Variants in BBS9 observed in about 807,000 individuals in gnomAD.
BBS9 encodes the protein protein PTHB1.
BBS9 carries 89 observed loss-of-function variants against 117.7 expected under a neutral mutation model. The observed-to-expected ratio is 0.76, with a 90% confidence interval of 0.64 to 0.90. BBS9 has a LOEUF of 0.90. Ranked by LOEUF, BBS9 falls within the 40% of genes least tolerant of loss-of-function variation. The pLI, the probability that BBS9 is intolerant of heterozygous loss-of-function variation, is 0.00. For synonymous variants in BBS9, 379 were observed against 370.9 expected (o/e 1.02, Z -0.25); for missense variants, 982 against 1,042.2 (o/e 0.94, Z 0.80).
chr7:33,432,319 C>T (rs558680756), intron 19 of BBS9, among the ~76,000 whole-genome samples: 1 of 151,522 alleles, frequency 6.6e-6, no homozygotes, highest in South Asian at 2.1e-4. Context: ...CCGTGTTAGC[C>T]AGGATAGTCT....
intron 5 of BBS9, among the ~76,000 whole-genome samples, chr7:33,208,221 T>G (rs1050305353): frequency 2.0e-5 from 3 of 152,248 alleles, no homozygotes; most frequent in Non-Finnish European, 4.4e-5. Flanking sequence ...TTCTTCTAAG[T>G]GAATATCTGG....
chr7:33,476,262 T>C (rs1187991143), intron 19 of BBS9, among the ~76,000 whole-genome samples: 1 of 152,128 alleles, frequency 6.6e-6, no homozygotes, highest in Non-Finnish European at 1.5e-5. Context: ...TCTTGGATAG[T>C]GTTGGATTCC....
chr7:33,184,097 C>CAGAGAGAGAGAG (rs35333434), intron 5 of BBS9, among the ~76,000 whole-genome samples: 2 of 149,454 alleles, frequency 1.3e-5, no homozygotes, highest in African/African-American at 2.5e-5. Context: ...AGTTTGCACA[C>CAGAGAGAGAGAG]AGAGAGAGAG....
intron 9 of BBS9, among the ~76,000 whole-genome samples, chr7:33,308,910 AC>A (rs1430697297): frequency 6.6e-6 from 1 of 152,200 alleles, no homozygotes; most frequent in Non-Finnish European, 1.5e-5. Context: ...CAACGTAAAA[AC>A]AAATATTATA....
chr7:33,542,028 AAATT>A (rs535810004), intron 21 of BBS9, among the ~76,000 whole-genome samples: 1 of 152,278 alleles, frequency 6.6e-6, no homozygotes, highest in Non-Finnish European at 1.5e-5. Context: ...TAAAAGAAGA[AAATT>A]TATTTATATT....
intron 7 of BBS9, 151 bp from the exon 8 acceptor site, chr7:33,272,861 T>G: frequency 3.7e-6 from 3 of 801,524 alleles, no homozygotes; most frequent in Non-Finnish European, 6.1e-6. Flanking sequence ...ATGGTCATAG[T>G]GATAAAAAAA....
chr7:33,580,020 A>G (rs868199621), intron 21 of BBS9, among the ~76,000 whole-genome samples: 2 of 152,314 alleles, frequency 1.3e-5, no homozygotes, highest in South Asian at 4.1e-4. Flanking sequence ...TATGATAACA[A>G]TAACATTTGT....
chr7:33,167,841 T>G (rs756564497), intron 4 of BBS9, among the ~76,000 whole-genome samples: 1 of 152,168 alleles, frequency 6.6e-6, no homozygotes, highest in East Asian at 1.9e-4. Flanking sequence ...TTTGGATGCT[T>G]GTAAAGTTTT....
At chr7:33,628,153 C>T (rs971004955) in intron 21 of BBS9, among the ~76,000 whole-genome samples, 1 of 152,080 alleles carries the variant, frequency 6.6e-6, no homozygotes, top group African/African-American at 2.4e-5. Context: ...GAAACATTTC[C>T]ACCTTTTTTT....
At chr7:33,130,844 G>A (rs887751199) in intron 1 of BBS9, among the ~76,000 whole-genome samples, 3 of 151,964 alleles carry the variant, frequency 2.0e-5, no homozygotes, top group Non-Finnish European at 4.4e-5. Flanking sequence ...TTTTCCTTGT[G>A]TGTAATTGTC....
At chr7:33,223,343 G>A (rs1372529495) in intron 5 of BBS9, among the ~76,000 whole-genome samples, 1 of 152,072 alleles carries the variant, frequency 6.6e-6, no homozygotes, top group African/African-American at 2.4e-5. Context: ...CAATTTTCAA[G>A]TATATGGTAC....
intron 19 of BBS9, among the ~76,000 whole-genome samples, chr7:33,409,411 G>A (rs547113230): frequency 1.3e-5 from 2 of 152,084 alleles, no homozygotes; most frequent in Non-Finnish European, 2.9e-5. Context: ...CATTGAATAG[G>A]GAGTCTCTTC....
At chr7:33,542,697 ATATG>A (rs1304499233) in intron 21 of BBS9, among the ~76,000 whole-genome samples, 1 of 94,506 alleles carries the variant, frequency 1.1e-5, no homozygotes, top group Non-Finnish European at 2.0e-5. Context: ...TCCATTATAT[ATATG>A]TGTGTGTGTG....
intron 9 of BBS9, among the ~76,000 whole-genome samples, chr7:33,307,518 C>A (rs756363483): frequency 2.6e-5 from 4 of 151,922 alleles, no homozygotes; most frequent in African/African-American, 9.7e-5. Flanking sequence ...ACACTCATCC[C>A]TTAGTATGTG....
At chr7:33,312,129 A>C (rs1344580374) in intron 9 of BBS9, among the ~76,000 whole-genome samples, 1 of 152,108 alleles carries the variant, frequency 6.6e-6, no homozygotes, top group Non-Finnish European at 1.5e-5. Context: ...TTTTCTGTCC[A>C]CCATTTTTTT....
At chr7:33,362,876 T>C (rs1311304096) in intron 16 of BBS9, among the ~76,000 whole-genome samples, 1 of 152,060 alleles carries the variant, frequency 6.6e-6, no homozygotes, top group Non-Finnish European at 1.5e-5. Flanking sequence ...TTAACAATAT[T>C]GAACATGGTA....
chr7:33,394,088 G>A (rs945354524), intron 19 of BBS9, among the ~76,000 whole-genome samples: 10 of 152,184 alleles, frequency 6.6e-5, no homozygotes, highest in African/African-American at 2.4e-4. Flanking sequence ...GAAGCAAGGA[G>A]AGGGGACCTG....
At chr7:33,536,978 G>A (rs1851542132) in intron 21 of BBS9, among the ~76,000 whole-genome samples, 1 of 151,818 alleles carries the variant, frequency 6.6e-6, no homozygotes, top group Non-Finnish European at 1.5e-5. Flanking sequence ...AATATACAAA[G>A]TGGCATATTA....
At chr7:33,417,025 T>C (rs1252809077) in intron 19 of BBS9, among the ~76,000 whole-genome samples, 4 of 152,162 alleles carry the variant, frequency 2.6e-5, no homozygotes, top group Non-Finnish European at 5.9e-5. Context: ...TGAAATGGTT[T>C]CTCTCCTCAA....
Sources: allele counts gnomAD v4.1 joint callset (sites outside exome capture counted in the v4.1 genomes callset), GRCh38; gene constraint gnomAD v4.1.1; transcripts MANE v1.5; gene names NCBI Gene and HGNC (gene_info 2026-07-23, HGNC 2026-07-21).